The following ETV6 variants were observed in gnomAD, a reference collection of about 807,000 sequenced individuals.
ETV6 encodes transcription factor ETV6.
In ETV6, 16 loss-of-function variants were observed where a neutral mutation model predicts 51.1. The observed-to-expected ratio is 0.31, with a 90% CI of 0.21 to 0.48. The LOEUF is 0.48. Ranked by LOEUF, ETV6 falls within the 20% of genes least tolerant of loss-of-function variation. The pLI, the probability that ETV6 is intolerant of heterozygous loss-of-function variation, is 0.99. For synonymous variants in ETV6, 240 were observed against 224.1 expected (o/e 1.07, Z -0.64); for missense variants, 458 against 594.8 (o/e 0.77, Z 2.39).
intron 1 of ETV6, among the ~76,000 whole-genome samples, chr12:11,728,819 C>T (rs1203649078): frequency 6.6e-6 from 1 of 152,180 alleles, no homozygotes; most frequent in African/African-American, 2.4e-5. Context: ...AATGTTTAAA[C>T]CACCTGAAAA....
At chr12:11,885,267 G>T (rs978675385) in intron 6 of ETV6, among the ~76,000 whole-genome samples, 1 of 152,172 alleles carries the variant, frequency 6.6e-6, no homozygotes, top group Non-Finnish European at 1.5e-5. Flanking sequence ...AGGCAGGGAG[G>T]CCCAGCCAGG....
At chr12:11,740,337 C>A (rs1273588160) in intron 1 of ETV6, among the ~76,000 whole-genome samples, 2 of 152,188 alleles carry the variant, frequency 1.3e-5, no homozygotes, top group African/African-American at 2.4e-5. Context: ...CCTCCTTCAA[C>A]TTTTTTGTTA....
At chr12:11,677,389 A>T (rs1038591482) in intron 1 of ETV6, among the ~76,000 whole-genome samples, 1 of 152,216 alleles carries the variant, frequency 6.6e-6, no homozygotes, top group African/African-American at 2.4e-5. Flanking sequence ...ATGCATCTAG[A>T]TTCTTTGGCT....
intron 2 of ETV6, among the ~76,000 whole-genome samples, chr12:11,821,963 G>A (rs980341847): frequency 1.3e-5 from 2 of 152,108 alleles, no homozygotes; most frequent in African/African-American, 4.8e-5. Context: ...TCCCCAAACC[G>A]GTTGTGCTCT....
intron 1 of ETV6, among the ~76,000 whole-genome samples, chr12:11,688,188 T>A (rs2120777724): frequency 1.3e-5 from 2 of 152,236 alleles, no homozygotes; most frequent in South Asian, 4.2e-4. Flanking sequence ...AGTAGATACC[T>A]TACGGGCAAA....
At chr12:11,857,068 C>T (rs533275293) in intron 4 of ETV6, among the ~76,000 whole-genome samples, 167 of 152,324 alleles carry the variant, frequency 1.1e-3, no homozygotes, top group African/African-American at 3.7e-3. Flanking sequence ...GAAGCATGCA[C>T]GGTCAAGTGC....
At chr12:11,652,087 C>G (rs1326581444) in intron 1 of ETV6, among the ~76,000 whole-genome samples, 5 of 152,158 alleles carry the variant, frequency 3.3e-5, no homozygotes, top group Non-Finnish European at 7.3e-5. Flanking sequence ...CATTTTTTTC[C>G]TTATTGCTTA....
chr12:11,697,866 T>C (rs552064732), intron 1 of ETV6, among the ~76,000 whole-genome samples: 1 of 152,288 alleles, frequency 6.6e-6, no homozygotes, highest in African/African-American at 2.4e-5. Flanking sequence ...TTCCCATAAC[T>C]AAGCCCCGAG....
At chr12:11,661,623 C>A (rs890930688) in intron 1 of ETV6, among the ~76,000 whole-genome samples, 5 of 152,238 alleles carry the variant, frequency 3.3e-5, no homozygotes, top group African/African-American at 1.2e-4. Context: ...CACCTCCAGT[C>A]CCCTGGACAA....
Position 11,895,183 on chromosome 12 carries a change from G to T in ETV6, c.*4137G>T. 4.3e-6 allele frequency: 1 copy of T among 232,168 alleles called. No homozygotes were observed. The highest frequency in any genetic ancestry group is 6.1e-5 in the East Asian group (1 of 16,426). 14.4% of individuals were successfully genotyped at this position (232,168 alleles called of 1,614,324 possible). ...ACCGCAACCACCTGCAAACCAGAAC[G>T]ACTCTAGAATTTCCTTCCCCGCCCC... On this transcript the variant is annotated 3_prime_UTR_variant, in exon 8 of 8. Coordinates refer to ENST00000396373, the MANE Select transcript of ETV6 (RefSeq NM_001987.5).
chr12:11,752,921 G>A (rs751711057), intron 2 of ETV6: 6 of 190,176 alleles, frequency 3.2e-5, no homozygotes, highest in Admixed American at 6.1e-5. Context: ...TCAAATTCAC[G>A]CTTACTCAAC....
At chr12:11,754,227 G>A (rs530965287) in intron 2 of ETV6, among the ~76,000 whole-genome samples, 3 of 152,088 alleles carry the variant, frequency 2.0e-5, no homozygotes, top group Non-Finnish European at 2.9e-5. Flanking sequence ...TGCTGTGCCC[G>A]GCACTCTTCT....
intron 2 of ETV6, among the ~76,000 whole-genome samples, chr12:11,785,508 G>A (rs983398504): frequency 6.6e-6 from 1 of 152,272 alleles, no homozygotes; most frequent in East Asian, 1.9e-4. Context: ...GTTCATTGCT[G>A]TGTCCCTGAT....
chr12:11,728,425 T>C (rs7485078), intron 1 of ETV6, among the ~76,000 whole-genome samples: 146,942 of 152,270 alleles, frequency 0.97, 71,109 homozygotes, highest in Middle Eastern at 1. Context: ...GTCAGATCAG[T>C]GGCAGCATTA....
intron 1 of ETV6, among the ~76,000 whole-genome samples, chr12:11,718,603 T>TAA (rs35535946): frequency 0.017 from 1,819 of 105,626 alleles, 28 homozygotes; most frequent in African/African-American, 0.043. Context: ...CCATCGCTAC[T>TAA]AAAAAAAAAA....
intron 1 of ETV6, among the ~76,000 whole-genome samples, chr12:11,689,081 C>T (rs1864693939): frequency 7.4e-6 from 1 of 134,950 alleles, no homozygotes; most frequent in Admixed American, 8.5e-5. Context: ...GGCAAGATCT[C>T]ACCAAGATTA....
At chr12:11,865,835 A>G (rs1946783851) in intron 4 of ETV6, among the ~76,000 whole-genome samples, 1 of 151,590 alleles carries the variant, frequency 6.6e-6, no homozygotes, top group African/African-American at 2.4e-5. Context: ...CAGTTTGACT[A>G]TGGTGTACCT....
At chr12:11,687,228 T>C (rs1486851684) in intron 1 of ETV6, among the ~76,000 whole-genome samples, 3 of 149,184 alleles carry the variant, frequency 2.0e-5, no homozygotes, top group Admixed American at 6.7e-5. Context: ...TTTTTTTTTT[T>C]CAGCTCACTG....
chr12:11,820,674 G>A lies in ETV6; in HGVS notation c.164-18466G>A, dbSNP rs144817902. Among the ~76,000 whole-genome samples the A allele has an allele frequency of 3.5e-3, 526 of 152,246 alleles. 4 individuals carry two copies. The highest frequency in any genetic ancestry group is 0.012 in the African/African-American group (499 of 41,542). On this transcript the variant is annotated intron_variant, in intron 2 of 7. Coordinates refer to ENST00000396373, the MANE Select transcript of ETV6 (RefSeq NM_001987.5). ...CGTGGCTGGAGCAGAATGAAGGAGG[G>A]AAAGGATGATGGCAGGAAAGGATGG...
Sources: gnomAD v4.1 joint callset for allele counts (sites outside exome capture counted in the v4.1 genomes callset) on GRCh38, gnomAD v4.1.1 for gene constraint, MANE v1.5 for transcripts, NCBI Gene and HGNC (gene_info 2026-07-23, HGNC 2026-07-21) for gene names.